The following MYO9B variants were observed in gnomAD, a reference collection of about 807,000 sequenced individuals.
The protein encoded by MYO9B is myosin IXB, also known as unconventional myosin-IXb.
MYO9B carries 71 observed loss-of-function variants against 229.5 expected under a neutral mutation model. That is an observed-to-expected ratio of 0.31 (90% CI 0.26 to 0.38). MYO9B has a LOEUF of 0.38. MYO9B is among the 10% of genes least tolerant of loss of function. The pLI is 1.00. For missense variants in MYO9B, 2,255 were observed against 2,920.5 expected (o/e 0.77, Z 5.25); for synonymous variants, 1,185 against 1,235.8 (o/e 0.96, Z 0.86).
Position 17,212,269 on chromosome 19 carries a change from A to T in MYO9B, c.6433A>T (p.Thr2145Ser). 3.2e-6 allele frequency: 5 copies of T among 1,559,110 alleles called. No homozygotes were observed. Among genetic ancestry groups the T allele is most frequent in the Non-Finnish European group, 4.3e-6 (5 of 1,159,640 alleles). The change falls in exon 40 of 40, where the codon ACG becomes TCG. Residue 2145 changes from threonine (T) to serine (S), a missense_variant. This residue lies in a region of MYO9B where 331 missense variants were observed against 332.5 expected (regional missense o/e 1.00). Transcript: ENST00000682292. The surrounding 1 kb of genome is among the most constrained non-coding windows in gnomAD (Gnocchi z 5.4). ...CAAGCGGAGGTACTCGGATCCCCCA[A>T]CGTACTGCCTGCCCCCCGCCTCGGG... Reference protein sequence around the residue: ...GAKRRYSDPPTYCLPPASGQT... With the variant: ...GAKRRYSDPPSYCLPPASGQT...
rs185647930 is a variant in MYO9B at position 17,108,838 on chromosome 19, C to T, written c.840+6281C>T. Among the ~76,000 whole-genome samples the T allele has an allele frequency of 5.1e-3, 773 of 150,752 alleles. 9 individuals are homozygous for T. Among genetic ancestry groups the T allele is most frequent in the Admixed American group, 0.016 (237 of 15,100 alleles). On this transcript the variant is annotated intron_variant, in intron 2 of 39. Transcript: ENST00000682292. ...TTTGATTCTCCTGCCTCAGCCCTCC[C>T]GAGTAGCTGGGACTACAGGCGCCCA...
chr19:17,212,099 G>A lies in MYO9B; in HGVS notation c.6263G>A (p.Arg2088Gln), dbSNP rs766881119. 2.0e-5 allele frequency: 31 copies of A among 1,589,516 alleles called. No individual in the cohort carries two copies. The highest frequency in any genetic ancestry group is 2.7e-5 in the African/African-American group (2 of 74,026). ...CTGCCTCGCTGGGCACCGGGTGCCC[G>A]GGAGGCGGCTGCCCCAGTGCGGCGC... is the stretch of plus-strand genomic sequence containing the variant. The part of the protein sequence containing the change: ...SHLPRWAPGA[R>Q]EAAAPVRRRE... Residue 2088 changes from arginine (R) to glutamine (Q), a missense_variant, in exon 40 of 40, where the codon CGG (arginine) becomes CAG (glutamine). This residue lies in a region of MYO9B where 331 missense variants were observed against 332.5 expected (regional missense o/e 1.00). Coordinates refer to ENST00000682292, the MANE Select transcript of MYO9B (RefSeq NM_004145.4). The surrounding 1 kb of genome is among the most constrained non-coding windows in gnomAD (Gnocchi z 5.4).
intron 36 of MYO9B, among the ~76,000 whole-genome samples, chr19:17,210,016 C>T (rs1402857198): frequency 1.3e-5 from 2 of 152,150 alleles, no homozygotes; most frequent in Admixed American, 6.5e-5. Flanking sequence ...GAACGAAAGA[C>T]GATGGTCCTC....
At chr19:17,159,559 C>A in intron 8 of MYO9B, 75 bp downstream of exon 8, 1 of 1,273,574 alleles carries the variant, frequency 7.9e-7, no homozygotes, top group Non-Finnish European at 1.1e-6. Flanking sequence ...AAAGAGCCGG[C>A]ATGGGTGGGC....
intron 17 of MYO9B, among the ~76,000 whole-genome samples, chr19:17,185,244 G>T (rs2072905019): frequency 6.6e-6 from 1 of 151,846 alleles, no homozygotes; most frequent in South Asian, 2.1e-4. Context: ...CGTAGTGGCG[G>T]GTGCCTGTAG....
intron 2 of MYO9B, among the ~76,000 whole-genome samples, chr19:17,132,894 C>G (rs985250249): frequency 6.7e-6 from 1 of 149,750 alleles, no homozygotes; most frequent in Non-Finnish European, 1.5e-5. Context: ...TGTCACCAGG[C>G]TGGAGTGCAG....
intron 14 of MYO9B, chr19:17,180,658 T>C (rs981817784): frequency 1.6e-5 from 5 of 319,264 alleles, no homozygotes; most frequent in African/African-American, 8.7e-5. Flanking sequence ...CTGGAAATGA[T>C]GTATTGAAAA....
intron 4 of MYO9B, among the ~76,000 whole-genome samples, chr19:17,153,744 G>A (rs916635819): frequency 2.0e-5 from 3 of 151,464 alleles, no homozygotes; most frequent in Non-Finnish European, 4.4e-5. Context: ...TGACAAATAA[G>A]TGAGATGTAC....
chr19:17,170,178 T>C (rs781644980), intron 11 of MYO9B, among the ~76,000 whole-genome samples: 5 of 151,992 alleles, frequency 3.3e-5, no homozygotes, highest in Admixed American at 2.6e-4. Context: ...ACCATAGGTG[T>C]GAGCCATTAC....
intron 11 of MYO9B, among the ~76,000 whole-genome samples, chr19:17,169,337 AC>A (rs2072694800): frequency 7.3e-6 from 1 of 136,268 alleles, no homozygotes; most frequent in African/African-American, 2.8e-5. Flanking sequence ...ACTCCATTGC[AC>A]TCCAGCCTGG....
At chr19:17,079,166 A>G (rs2057512527) in intron 1 of MYO9B, among the ~76,000 whole-genome samples, 1 of 152,174 alleles carries the variant, frequency 6.6e-6, no homozygotes, top group Admixed American at 6.5e-5. Context: ...GCTCATTAGT[A>G]AAACCTGGTT....
intron 18 of MYO9B, 99 bp downstream of exon 18, chr19:17,186,100 G>A (rs1470657139): frequency 4.7e-6 from 5 of 1,062,294 alleles, no homozygotes; most frequent in Admixed American, 1.8e-5. Context: ...GCAGTATGGG[G>A]GACGGTGCAG....
chr19:17,103,948 C>T (rs560032078), intron 2 of MYO9B, among the ~76,000 whole-genome samples: 2 of 150,930 alleles, frequency 1.3e-5, no homozygotes, highest in East Asian at 2.0e-4. Flanking sequence ...CCCAGCTACT[C>T]GGGAGGCTGA....
chr19:17,162,439 CAAG>C lies in MYO9B; in HGVS notation c.1513_1515del (p.Lys505del). 1 of 1,577,698 alleles carries C rather than the reference CAAG, an allele frequency of 6.3e-7. No individual in the cohort carries two copies. Among genetic ancestry groups the C allele is most frequent in the Non-Finnish European group, 8.6e-7 (1 of 1,162,750 alleles). Reference sequence around the variant, plus strand: ...TGCGGATCAACCACGCACTCCTCAACAAGAAGGACGTGGAAGAGGCAGTCTCGG... The same window carrying C: ...TGCGGATCAACCACGCACTCCTCAACAAGGACGTGGAAGAGGCAGTCTCGG... On this transcript the variant is annotated inframe_deletion, in exon 9 of 40. Transcript: ENST00000682292.
chr19:17,173,738 A>T (rs930604746), intron 13 of MYO9B, among the ~76,000 whole-genome samples: 1 of 152,102 alleles, frequency 6.6e-6, no homozygotes, highest in African/African-American at 2.4e-5. Context: ...GGCCAGCCCT[A>T]TAGAGTTGCT....
chr19:17,170,664 A>AC, intron 11 of MYO9B, among the ~76,000 whole-genome samples: 1 of 148,450 alleles, frequency 6.7e-6, no homozygotes, highest in African/African-American at 2.5e-5. Flanking sequence ...AAAAAAAAAA[A>AC]AAAAAAAAAA....
At chr19:17,173,211 A>G (rs557332619) in intron 13 of MYO9B, among the ~76,000 whole-genome samples, 77 of 149,520 alleles carry the variant, frequency 5.1e-4, no homozygotes, top group African/African-American at 1.8e-3. Context: ...CTCTGATCCC[A>G]CTGGCCCTGG....
At chr19:17,148,539 C>G (rs2072441473) in intron 3 of MYO9B, among the ~76,000 whole-genome samples, 1 of 152,152 alleles carries the variant, frequency 6.6e-6, no homozygotes, top group East Asian at 1.9e-4. Flanking sequence ...CCACATTACT[C>G]CCATCTCTGC....
chr19:17,135,743 G>A (rs985946862), intron 2 of MYO9B, among the ~76,000 whole-genome samples: 2 of 152,126 alleles, frequency 1.3e-5, no homozygotes, highest in Non-Finnish European at 2.9e-5. Flanking sequence ...CCAGCCCTTG[G>A]GCAGCCATGG....
Sources: allele counts gnomAD v4.1 joint callset (sites outside exome capture counted in the v4.1 genomes callset), GRCh38; gene constraint gnomAD v4.1.1; regional missense constraint gnomAD v4.1.1; non-coding constraint Gnocchi (gnomAD v3.1); transcripts MANE v1.5; gene names NCBI Gene and HGNC (gene_info 2026-07-23, HGNC 2026-07-21).